The following RCOR1 variants were observed in gnomAD, a reference collection of about 807,000 sequenced individuals.
The protein encoded by RCOR1 is REST corepressor.
A neutral mutation model predicts 64.0 loss-of-function variants in RCOR1; 12 were observed. That is an observed-to-expected ratio of 0.19 (90% confidence interval 0.12 to 0.30). RCOR1 has a LOEUF of 0.30. Among genes scored for constraint, RCOR1 ranks in the 10% least tolerant of loss-of-function variants. RCOR1 has a pLI of 1.00. For synonymous variants in RCOR1, 279 were observed against 227.2 expected, an observed-to-expected ratio of 1.23 and a Z score of -2.05; for missense variants, 502 against 621.2, an observed-to-expected ratio of 0.81 and a Z score of 2.04.
At chr14:102,695,213 G>A (rs920699904) in intron 3 of RCOR1, among the ~76,000 whole-genome samples, 2 of 152,166 alleles carry the variant, frequency 1.3e-5, no homozygotes, top group South Asian at 2.1e-4. Context: ...GAAGTTTAGC[G>A]TCCATCTGTT....
At chr14:102,648,620 G>A (rs558004744) in intron 2 of RCOR1, among the ~76,000 whole-genome samples, 7 of 152,196 alleles carry the variant, frequency 4.6e-5, no homozygotes, top group African/African-American at 1.7e-4. Context: ...TTATTTATTA[G>A]ACATATTTAT....
intron 3 of RCOR1, among the ~76,000 whole-genome samples, chr14:102,694,267 A>AT (rs1895598987): frequency 6.6e-6 from 1 of 151,954 alleles, no homozygotes; most frequent in South Asian, 2.1e-4. Flanking sequence ...TAAAAAATTT[A>AT]TTTTTTTGAG....
At chr14:102,603,715 G>C (rs1398929684) in intron 2 of RCOR1, among the ~76,000 whole-genome samples, 1 of 151,952 alleles carries the variant, frequency 6.6e-6, no homozygotes, top group Non-Finnish European at 1.5e-5. Flanking sequence ...TCATCTCCTG[G>C]GCTCACATGA....
intron 2 of RCOR1, among the ~76,000 whole-genome samples, chr14:102,678,797 G>A (rs1895244111): frequency 6.6e-6 from 1 of 152,194 alleles, no homozygotes; most frequent in African/African-American, 2.4e-5. Flanking sequence ...ACTTTGTAGT[G>A]TTGATGCCTT....
intron 3 of RCOR1, among the ~76,000 whole-genome samples, chr14:102,695,972 TAAAA>T (rs1160246715): frequency 1.3e-5 from 2 of 151,930 alleles, no homozygotes; most frequent in East Asian, 3.9e-4. Context: ...CAGAGAAGAT[TAAAA>T]AAAAGATTGT....
rs558625612 is a variant in RCOR1, at chr14:102,676,245, C to T, written c.362-5650C>T. Among the ~76,000 whole-genome samples the T allele has an allele frequency of 2.0e-5, 3 of 149,834 alleles. No homozygotes were observed. The South Asian group carries it at 6.3e-4, about 32-fold the overall frequency. On this transcript the variant is annotated intron_variant, in intron 2 of 11. Transcript: ENST00000262241. ...GCTGGGCACACCTCCCAGACGGGGT[C>T]GTGGCCGGGCAGAGGGGCTCCTCGC...
chr14:102,632,713 C>CTTTTCCT, intron 2 of RCOR1, among the ~76,000 whole-genome samples: 1 of 87,712 alleles, frequency 1.1e-5, no homozygotes, highest in Admixed American at 1.3e-4. Flanking sequence ...TTTCCTTTTC[C>CTTTTCCT]TTTCCTTTCC....
chr14:102,623,853 G>C (rs1372340704), intron 2 of RCOR1, among the ~76,000 whole-genome samples: 4 of 150,984 alleles, frequency 2.6e-5, no homozygotes. Context: ...TCAGGAGATC[G>C]AGACCATCCT....
chr14:102,617,056 A>G (rs866983892), intron 2 of RCOR1, among the ~76,000 whole-genome samples: 58 of 152,358 alleles, frequency 3.8e-4, no homozygotes, highest in Middle Eastern at 3.4e-3. Context: ...ATATTTCACA[A>G]TATCACAATA....
At chr14:102,695,379 A>C (rs1895623178) in intron 3 of RCOR1, 1 of 71,378 alleles carries the variant, frequency 1.4e-5, no homozygotes, top group African/African-American at 5.8e-5. Context: ...CAAGAGATAG[A>C]ACTGTGTTGG....
intron 4 of RCOR1, among the ~76,000 whole-genome samples, chr14:102,702,172 T>TA (rs1895768615): frequency 6.6e-6 from 1 of 152,196 alleles, no homozygotes; most frequent in South Asian, 2.1e-4. Context: ...TGATGGAAGT[T>TA]ACCAAGAGTT....
At chr14:102,721,497 T>A (rs2139995089) in intron 10 of RCOR1, 120 bp downstream of exon 10, 1 of 629,888 alleles carries the variant, frequency 1.6e-6, no homozygotes, top group South Asian at 2.2e-5. Flanking sequence ...GCTGCATTGA[T>A]CCATGATCAC....
At chr14:102,623,792 C>CA (rs1033003109) in intron 2 of RCOR1, among the ~76,000 whole-genome samples, 14 of 151,730 alleles carry the variant, frequency 9.2e-5, no homozygotes, top group East Asian at 2.0e-4. Context: ...TGCGGTGGCT[C>CA]ACGCCTGTAA....
chr14:102,695,215 C>T (rs903807078), intron 3 of RCOR1, among the ~76,000 whole-genome samples: 1 of 152,212 alleles, frequency 6.6e-6, no homozygotes, highest in Non-Finnish European at 1.5e-5. Flanking sequence ...AGTTTAGCGT[C>T]CATCTGTTTC....
intron 2 of RCOR1, among the ~76,000 whole-genome samples, chr14:102,617,897 A>G (rs1298187212): frequency 2.0e-5 from 3 of 150,302 alleles, no homozygotes; most frequent in Admixed American, 1.3e-4. Context: ...CCAAGACTCT[A>G]TCTCAAATAA....
intron 2 of RCOR1, among the ~76,000 whole-genome samples, chr14:102,676,660 G>A (rs1895168273): frequency 1.7e-5 from 2 of 115,036 alleles, no homozygotes; most frequent in African/African-American, 3.6e-5. Context: ...CTCCCGGACG[G>A]GGCGGCTGGC....
chr14:102,662,905 G>A (rs1361547834), intron 2 of RCOR1, among the ~76,000 whole-genome samples: 3 of 152,054 alleles, frequency 2.0e-5, no homozygotes, highest in Non-Finnish European at 2.9e-5. Flanking sequence ...CTAGAGGCTC[G>A]GGTAAACATT....
intron 2 of RCOR1, chr14:102,657,617 C>G: frequency 6.6e-6 from 5 of 755,416 alleles, no homozygotes; most frequent in Non-Finnish European, 8.1e-6. Flanking sequence ...GCGGGCAGAT[C>G]ACTTGAGGTC....
chr14:102,620,220 C>T (rs1035196478), intron 2 of RCOR1, among the ~76,000 whole-genome samples: 4 of 150,664 alleles, frequency 2.7e-5, no homozygotes, highest in African/African-American at 4.9e-5. Context: ...GGAGACACCC[C>T]GTCACCACAC....
Sources: allele counts gnomAD v4.1 joint callset (sites outside exome capture counted in the v4.1 genomes callset), GRCh38; gene constraint gnomAD v4.1.1; transcripts MANE v1.5; gene names NCBI Gene and HGNC (gene_info 2026-07-23, HGNC 2026-07-21).